The following NAA15 variants were observed in gnomAD, a reference collection of about 807,000 sequenced individuals.
NAA15 encodes the protein N-alpha-acetyltransferase 15, NatA auxiliary subunit.
Under a neutral mutation model 114.0 loss-of-function variants are expected in NAA15, and 34 were observed. That is an observed-to-expected ratio of 0.30 (90% CI 0.23 to 0.40). The LOEUF (loss-of-function observed/expected upper bound fraction) is 0.40, where lower values mean the gene tolerates loss of function less well. Ranked by LOEUF, NAA15 falls within the 10% of genes least tolerant of loss-of-function variation. NAA15 has a pLI of 1.00. For missense variants in NAA15, 658 were observed against 1,004.5 expected (o/e 0.66, Z 4.66); for synonymous variants, 340 against 338.0 (o/e 1.01, Z -0.06).
At position 139,388,958 on chromosome 4, in the gene NAA15, A is replaced by G. The variant is rs1748979004; in HGVS notation, c.*874A>G. The stretch of plus-strand genomic sequence containing the variant: ...GGAAAATCTACCATGGCTTGAAGTT[A>G]AAGAGCAGAACTCCTGACTACCATT... On this transcript the variant is annotated 3_prime_UTR_variant, in exon 20 of 20. Transcript: ENST00000296543. The G allele has an allele frequency of 6.6e-6, 1 of 152,550 alleles. No individual in the cohort carries two copies. Among genetic ancestry groups the G allele is most frequent in the Non-Finnish European group, 1.5e-5 (1 of 68,044 alleles). The allele number at this position is 152,550 out of a possible 1,614,324, so 9.4% of individuals were successfully genotyped here. A position where few individuals can be genotyped will look rare whatever the true frequency, so the allele number is the denominator to read the frequency against.
Position 139,311,681 on chromosome 4 carries a change from A to G in NAA15, c.54+9850A>G, listed in dbSNP as rs1746228711. On this transcript the variant is annotated intron_variant, in intron 1 of 19. Coordinates refer to ENST00000296543, the MANE Select transcript of NAA15 (RefSeq NM_057175.5). ...AGCCTGCTGCTGTATTAGAATCTTC[A>G]GATAGTAGGGCTCAGCCATACGTCA... Among the ~76,000 whole-genome samples the G allele has an allele frequency of 2.6e-5, 4 of 151,954 alleles. No homozygotes were observed. The South Asian group carries it at 8.3e-4, about 32-fold the overall frequency.
At position 139,311,339 on chromosome 4, in the gene NAA15, A is replaced by G. The variant is rs575585419; in HGVS notation, c.54+9508A>G. On this transcript the variant is annotated intron_variant, in intron 1 of 19. Transcript: ENST00000296543. The stretch of plus-strand genomic sequence containing the variant: ...TGTTTAATAAATATTTGTTATGTGA[A>G]GTGAGTGTGAAAATAGTGATTACAG... Among the ~76,000 whole-genome samples, 122 of 150,862 alleles carry G rather than the reference A, an allele frequency of 8.1e-4. 1 individual carries two copies. The highest frequency in any genetic ancestry group is 1.4e-3 in the Non-Finnish European group (98 of 67,868).
At chr4:139,380,261 G>A (rs527885648) in intron 17 of NAA15, among the ~76,000 whole-genome samples, 5 of 145,808 alleles carry the variant, frequency 3.4e-5, no homozygotes, top group African/African-American at 8.2e-5. Context: ...GTTTTTTTGG[G>A]GGGGGGGAGT....
intron 17 of NAA15, among the ~76,000 whole-genome samples, chr4:139,382,959 A>G (rs1425122539): frequency 6.6e-6 from 1 of 152,210 alleles, no homozygotes; most frequent in East Asian, 1.9e-4. Context: ...CCAGCACTCA[A>G]AAACCCAAAA....
At chr4:139,332,839 A>G (rs1474533561) in intron 1 of NAA15, among the ~76,000 whole-genome samples, 2 of 151,762 alleles carry the variant, frequency 1.3e-5, no homozygotes, top group Non-Finnish European at 2.9e-5. Context: ...ACCTTGGCCT[A>G]CCAAAGTGCT....
intron 1 of NAA15, among the ~76,000 whole-genome samples, chr4:139,316,369 T>A (rs1016481666): frequency 6.6e-6 from 1 of 151,934 alleles, no homozygotes; most frequent in African/African-American, 2.4e-5. Context: ...AAAGCATTCC[T>A]ATTTTCTATC....
At chr4:139,369,650 A>G (rs1374430084) in intron 14 of NAA15, among the ~76,000 whole-genome samples, 1 of 147,924 alleles carries the variant, frequency 6.8e-6, no homozygotes, top group African/African-American at 2.5e-5. Flanking sequence ...AGTCAGGAGA[A>G]TTGCTTGAAC....
At chr4:139,357,240 TAA>T in intron 10 of NAA15, 144 bp from the exon 11 acceptor site, 1 of 679,880 alleles carries the variant, frequency 1.5e-6, no homozygotes, top group African/African-American at 1.8e-5. Flanking sequence ...AAAGATCTTA[TAA>T]ACTTAGGAGG....
At chr4:139,332,913 T>C (rs1470807235) in intron 1 of NAA15, among the ~76,000 whole-genome samples, 2 of 152,134 alleles carry the variant, frequency 1.3e-5, no homozygotes, top group African/African-American at 2.4e-5. Context: ...GGGAGCAAAA[T>C]GACATTTTGC....
chr4:139,318,078 C>G (rs946987912), intron 1 of NAA15, among the ~76,000 whole-genome samples: 13 of 152,120 alleles, frequency 8.5e-5, no homozygotes, highest in Admixed American at 8.5e-4. Flanking sequence ...CTAGTAAGAC[C>G]ATATATGTAA....
At chr4:139,358,563 AATT>A (rs1748037748) in intron 11 of NAA15, among the ~76,000 whole-genome samples, 2 of 151,940 alleles carry the variant, frequency 1.3e-5, no homozygotes, top group South Asian at 4.2e-4. Flanking sequence ...TTTTTAAAAA[AATT>A]ATACTTTAAG....
At chr4:139,366,631 C>T (rs1748293330) in intron 14 of NAA15, among the ~76,000 whole-genome samples, 3 of 146,008 alleles carry the variant, frequency 2.1e-5, no homozygotes. Flanking sequence ...ATTTTTGAGA[C>T]AGGGTCTCAC....
At chr4:139,313,981 A>G (rs1442386695) in intron 1 of NAA15, among the ~76,000 whole-genome samples, 1 of 151,958 alleles carries the variant, frequency 6.6e-6, no homozygotes, top group Non-Finnish European at 1.5e-5. Context: ...CCACAACATT[A>G]AAAAACATTA....
At chr4:139,327,599 A>G (rs866446635) in intron 1 of NAA15, among the ~76,000 whole-genome samples, 2 of 152,140 alleles carry the variant, frequency 1.3e-5, no homozygotes, top group South Asian at 2.1e-4. Context: ...CTTATGGTGA[A>G]TATACGTTTC....
intron 1 of NAA15, among the ~76,000 whole-genome samples, chr4:139,315,001 T>TTCAGTTCAGGTAAGGTTAGGTTAGG (rs1181192026): frequency 1.3e-5 from 1 of 74,356 alleles, no homozygotes; most frequent in Non-Finnish European, 2.5e-5. Flanking sequence ...TTCAGTTCAG[T>TTCAGTTCAGGTAAGGTTAGGTTAGG]TTAGTTTAGG....
intron 15 of NAA15, among the ~76,000 whole-genome samples, chr4:139,371,172 G>T (rs1025368594): frequency 5.3e-5 from 8 of 152,106 alleles, no homozygotes; most frequent in African/African-American, 1.9e-4. Flanking sequence ...GTAAGGAAAG[G>T]CTCAAAATCA....
intron 15 of NAA15, 52 bp from the exon 16 acceptor site, chr4:139,376,313 C>G: frequency 8.9e-7 from 1 of 1,119,456 alleles, no homozygotes. Context: ...AATAAAATCA[C>G]ATTCCCCAAG....
intron 1 of NAA15, among the ~76,000 whole-genome samples, chr4:139,311,740 A>C (rs986103150): frequency 2.6e-5 from 4 of 151,888 alleles, no homozygotes; most frequent in Admixed American, 2.6e-4. Flanking sequence ...TCTGACACGA[A>C]GTCAGGGTTG....
Position 139,301,697 on chromosome 4 carries a change from T to C in NAA15, c.-81T>C, listed in dbSNP as rs963293118. ...TCGAGATATTCAAGGCTGAAGCAGC[T>C]ACGGAACGGCAGCGGCGGCGGTCGG... is the stretch of plus-strand genomic sequence containing the variant. On this transcript the variant is annotated 5_prime_UTR_variant, in exon 1 of 20. Transcript: ENST00000296543. The C allele has an allele frequency of 1.3e-6, 2 of 1,490,202 alleles. No individual in the cohort carries two copies. Among genetic ancestry groups the C allele is most frequent in the African/African-American group, 2.8e-5 (2 of 71,484 alleles). The allele number at this position is 1,490,202 out of a possible 1,614,324, so 92.3% of individuals were successfully genotyped here. A position where few individuals can be genotyped will look rare whatever the true frequency, so the allele number is the denominator to read the frequency against.
Sources: allele counts gnomAD v4.1 joint callset (sites outside exome capture counted in the v4.1 genomes callset), GRCh38; gene constraint gnomAD v4.1.1; transcripts MANE v1.5; gene names NCBI Gene and HGNC (gene_info 2026-07-23, HGNC 2026-07-21).